Variants in RELCH observed in about 807,000 individuals in gnomAD.
RELCH encodes RAB11 binding and LisH domain, coiled-coil and HEAT repeat containing.
A neutral mutation model predicts 150.3 loss-of-function variants in RELCH; 41 were observed. The observed-to-expected ratio is 0.27, with a 90% CI of 0.21 to 0.35. The LOEUF (loss-of-function observed/expected upper bound fraction) is 0.35, where lower values mean the gene tolerates loss of function less well. Ranked by LOEUF, RELCH falls within the 10% of genes least tolerant of loss-of-function variation. The pLI is 1.00. For synonymous variants in RELCH, 478 were observed against 531.8 expected (o/e 0.90, Z 1.39); for missense variants, 1,092 against 1,467.8 (o/e 0.74, Z 4.18).
chr18:62,264,223 C>T lies in RELCH; in HGVS notation c.2507+78C>T, dbSNP rs1182816650. ...CCTTGGCCCTAAGAACAAAATATAA[C>T]AAAACTTTTAAAATGTAACTCGGCA... On this transcript the variant is annotated intron_variant, in intron 17 of 28. Coordinates refer to ENST00000644646, the MANE Select transcript of RELCH (RefSeq NM_001346231.2). 8 of 1,220,416 alleles carry T rather than the reference C, an allele frequency of 6.6e-6. No homozygotes were observed. The Admixed American group carries it at 2.1e-4, about 32-fold the overall frequency. 75.6% of individuals were successfully genotyped at this position (1,220,416 alleles called of 1,614,324 possible). A position where few individuals can be genotyped will look rare whatever the true frequency, so the allele number is the denominator to read the frequency against.
chr18:62,274,185 A>G, intron 21 of RELCH, 99 bp downstream of exon 21: 2 of 709,272 alleles, frequency 2.8e-6, no homozygotes, highest in Non-Finnish European at 4.8e-6. Flanking sequence ...TGACATGCAC[A>G]CCAATTCTCT....
At chr18:62,299,987 G>A (rs2045593449) in intron 28 of RELCH, 1 of 151,854 alleles carries the variant, frequency 6.6e-6, no homozygotes, top group African/African-American at 2.4e-5. Context: ...TTTGTTGTTT[G>A]TCTTCCTTAG....
In RELCH at chr18:62,282,368, A is replaced by G. The variant is rs2044560837; in HGVS notation, c.3177A>G (p.Gln1059=). 4 of 1,612,716 alleles carry G rather than the reference A, an allele frequency of 2.5e-6. No individual in the cohort carries two copies. Among genetic ancestry groups the G allele is most frequent in the Non-Finnish European group, 3.4e-6 (4 of 1,179,376 alleles). ...SFLEDPQYQD[Q]HSLHTEIIKT... ...TGGAAGATCCTCAGTATCAAGACCA[A>G]CATTCTTTGCATACAGAGATCATAA... Residue 1059 remains glutamine (Q), a synonymous_variant, in exon 25 of 29, where the codon CAA becomes CAG. Transcript: ENST00000644646.
At chr18:62,216,632 GC>G (rs2040492180) in intron 2 of RELCH, among the ~76,000 whole-genome samples, 1 of 151,970 alleles carries the variant, frequency 6.6e-6, no homozygotes. Context: ...TATAGTTCAA[GC>G]ATTATGCTAC....
chr18:62,241,393 C>T (rs2042141887), intron 10 of RELCH, among the ~76,000 whole-genome samples: 1 of 151,944 alleles, frequency 6.6e-6, no homozygotes, highest in South Asian at 2.1e-4. Context: ...CAAGCCTGGG[C>T]AATATAACAA....
At position 62,305,705 on chromosome 18, in the gene RELCH, T is replaced by C; in HGVS notation, c.*171T>C. On this transcript the variant is annotated 3_prime_UTR_variant, in exon 29 of 29. Transcript: ENST00000644646. This position sits in a 1 kb window ranked among gnomAD's most constrained non-coding sequence, Gnocchi z 4.0. The stretch of plus-strand genomic sequence containing the variant: ...CTTTTAATTACTGCTGTATATTTGT[T>C]GATTTTGGAGTTACAACTGTGGTGA... The C allele has an allele frequency of 1.0e-5, 6 of 584,018 alleles. No homozygotes were observed. Among genetic ancestry groups the C allele is most frequent in the Non-Finnish European group, 1.6e-5 (6 of 384,474 alleles). 36.2% of individuals were successfully genotyped at this position (584,018 alleles called of 1,614,324 possible). A position where few individuals can be genotyped will look rare whatever the true frequency, so the allele number is the denominator to read the frequency against.
At position 62,261,059 on chromosome 18, in the gene RELCH, A is replaced by G. The variant is rs112686715; in HGVS notation, c.2203-452A>G. 5.0e-3 allele frequency among the ~76,000 whole-genome samples: 764 copies of G among 152,168 alleles called. 9 individuals are homozygous for G. The highest frequency in any genetic ancestry group is 0.018 in the African/African-American group (732 of 41,550). The stretch of plus-strand genomic sequence containing the variant: ...AGAAAATTTGGAATGTTCCTAACAC[A>G]AAGAAATGATACACGTTCGAGGTGA... On this transcript the variant is annotated intron_variant, in intron 15 of 28. Coordinates refer to ENST00000644646, the MANE Select transcript of RELCH (RefSeq NM_001346231.2).
rs113793926 is a variant in RELCH, at chr18:62,219,836, C to T, written c.617-1201C>T. On this transcript the variant is annotated intron_variant, in intron 2 of 28. Transcript: ENST00000644646. ...TGAAAATGTGCAAACTGAGTGAATC[C>T]TAATTTTTCCATATATTTTTATAGC... Among the ~76,000 whole-genome samples the T allele has an allele frequency of 1.8e-3, 276 of 152,014 alleles. 3 individuals are homozygous for T. Among genetic ancestry groups the T allele is most frequent in the African/African-American group, 6.5e-3 (268 of 41,518 alleles).
At chr18:62,252,321 C>T (rs146201939) in intron 11 of RELCH, among the ~76,000 whole-genome samples, 1 of 151,918 alleles carries the variant, frequency 6.6e-6, no homozygotes, top group East Asian at 1.9e-4. Context: ...TTTTCAAAAC[C>T]AGACTGTGCA....
intron 2 of RELCH, among the ~76,000 whole-genome samples, chr18:62,213,603 G>A (rs1427436365): frequency 1.3e-5 from 2 of 151,862 alleles, no homozygotes; most frequent in Non-Finnish European, 2.9e-5. Context: ...GGTTGCGTGT[G>A]CCTGCAGTCC....
intron 12 of RELCH, chr18:62,254,795 CAT>C (rs1189719728): frequency 6.6e-6 from 1 of 152,124 alleles, no homozygotes; most frequent in African/African-American, 2.4e-5. Context: ...ATGAAGAAGA[CAT>C]ATGGGAACAA....
intron 11 of RELCH, among the ~76,000 whole-genome samples, chr18:62,252,304 G>A (rs1163832025): frequency 1.3e-5 from 2 of 151,714 alleles, no homozygotes; most frequent in Admixed American, 6.6e-5. Context: ...GGGCCAAAAG[G>A]TCTAATTTTT....
Position 62,187,730 on chromosome 18 carries a change from G to A in RELCH, c.225G>A (p.Ala75=), listed in dbSNP as rs1008434368. Residue 75 remains alanine (A), a synonymous_variant, in exon 1 of 29, where the codon GCG becomes GCA. Transcript: ENST00000644646. ...CGCGGCCAGGGCTCCCTGGGGAGGC[G>A]TCGGCGGCTGCAGTGGCCCTGGGGG... The part of the protein sequence containing the change: ...SSARPGLPGE[A]SAAAVALGGT... 1 of 1,608,922 alleles carries A rather than the reference G, an allele frequency of 6.2e-7. No individual in the cohort carries two copies. The highest frequency in any genetic ancestry group is 8.5e-7 in the Non-Finnish European group (1 of 1,176,638).
chr18:62,220,488 T>C (rs73456694), intron 2 of RELCH, among the ~76,000 whole-genome samples: 2,136 of 151,968 alleles, frequency 0.014, 22 homozygotes, highest in Middle Eastern at 0.061. Context: ...ACCATATTCC[T>C]TCAACATCCT....
chr18:62,295,574 G>C (rs979112867), intron 27 of RELCH, among the ~76,000 whole-genome samples: 1 of 151,746 alleles, frequency 6.6e-6, no homozygotes, highest in Non-Finnish European at 1.5e-5. Flanking sequence ...GAATTTAAGG[G>C]TTTTGGCTTT....
intron 13 of RELCH, 144 bp from the exon 14 acceptor site, chr18:62,257,804 G>A (rs765744328): frequency 1.7e-4 from 103 of 615,450 alleles, no homozygotes; most frequent in Non-Finnish European, 2.7e-4. Flanking sequence ...CAAAATCTCT[G>A]TACATCAACA....
intron 1 of RELCH, among the ~76,000 whole-genome samples, chr18:62,191,863 C>G (rs919450198): frequency 6.6e-6 from 1 of 152,112 alleles, no homozygotes; most frequent in Non-Finnish European, 1.5e-5. Flanking sequence ...GATACACATG[C>G]CTGTATCTTT....
At chr18:62,227,725 A>C in intron 7 of RELCH, 36 bp downstream of exon 7, 1 of 1,101,866 alleles carries the variant, frequency 9.1e-7, no homozygotes, top group Non-Finnish European at 1.3e-6. Context: ...AAATCCTCTT[A>C]AGGTGTTTAA....
At chr18:62,218,789 A>G (rs918194386) in intron 2 of RELCH, among the ~76,000 whole-genome samples, 4 of 152,018 alleles carry the variant, frequency 2.6e-5, no homozygotes, top group Admixed American at 2.0e-4. Context: ...TTTTTAATAA[A>G]CATACATATC....
Sources: gnomAD v4.1 joint callset for allele counts (sites outside exome capture counted in the v4.1 genomes callset) on GRCh38, gnomAD v4.1.1 for gene constraint, Gnocchi (gnomAD v3.1) non-coding constraint, MANE v1.5 for transcripts, NCBI Gene and HGNC (gene_info 2026-07-23, HGNC 2026-07-21) for gene names.